Variants in SLC44A5 observed in about 807,000 individuals in gnomAD.
SLC44A5 encodes the protein solute carrier family 44 member 5.
A neutral mutation model predicts 101.8 loss-of-function variants in SLC44A5; 57 were observed. That is an observed-to-expected ratio of 0.56 (90% CI 0.45 to 0.70). The LOEUF (loss-of-function observed/expected upper bound fraction) is 0.70. Among genes scored for constraint, SLC44A5 ranks in the 30% least tolerant of loss-of-function variants. SLC44A5 has a pLI of 0.00. For missense variants in SLC44A5, 737 were observed against 853.1 expected (o/e 0.86, Z 1.70); for synonymous variants, 281 against 290.9 (o/e 0.97, Z 0.35).
the SLC44A5 span, among the ~76,000 whole-genome samples, chr1:75,688,702 C>A: frequency 6.6e-6 from 1 of 152,128 alleles, no homozygotes; most frequent in Non-Finnish European, 1.5e-5. Flanking sequence ...CATGCTCAGC[C>A]AGTGATCATC....
At chr1:75,701,891 T>G in the SLC44A5 span, among the ~76,000 whole-genome samples, 1 of 152,070 alleles carries the variant, frequency 6.6e-6, no homozygotes, top group Non-Finnish European at 1.5e-5. Flanking sequence ...AAATCATGAG[T>G]GAACTCCCAT....
At chr1:75,497,280 T>G (rs952134402) in intron 2 of SLC44A5, among the ~76,000 whole-genome samples, 1 of 152,198 alleles carries the variant, frequency 6.6e-6, no homozygotes, top group East Asian at 1.9e-4. Flanking sequence ...GCCGTGTGTG[T>G]GTGTGGGTGT....
At chr1:75,607,460 CTG>C (rs1327456237) in intron 1 of SLC44A5, among the ~76,000 whole-genome samples, 19 of 151,912 alleles carry the variant, frequency 1.3e-4, no homozygotes, top group African/African-American at 3.9e-4. Context: ...CAAATAAAGA[CTG>C]TATGTATTCA....
At chr1:75,231,448 A>G (rs1039569594) in intron 12 of SLC44A5, among the ~76,000 whole-genome samples, 1 of 152,076 alleles carries the variant, frequency 6.6e-6, no homozygotes, top group African/African-American at 2.4e-5. Flanking sequence ...CTTTCCTCCT[A>G]CTAGTGAATG....
At chr1:75,628,336 T>C in the SLC44A5 span, among the ~76,000 whole-genome samples, 1 of 152,156 alleles carries the variant, frequency 6.6e-6, no homozygotes, top group Non-Finnish European at 1.5e-5. Context: ...AAAATGAATG[T>C]TTCATTTCAT....
rs545261782 is a variant in SLC44A5, at chr1:75,551,431, A to G, written c.-69-9915T>C. Among the ~76,000 whole-genome samples, 68 of 152,178 alleles carry G rather than the reference A, an allele frequency of 4.5e-4. 1 individual carries two copies. In the South Asian group the frequency reaches 0.014, roughly 32 times the overall value. ...TCTTCTAATTTTATGCTTTCTTGGG[A>G]TCCTCCTATCCTTAATTTTATTTCC... On this transcript the variant is annotated intron_variant, in intron 1 of 23. Coordinates refer to ENST00000370859, the MANE Select transcript of SLC44A5 (RefSeq NM_001130058.2).
intron 2 of SLC44A5, among the ~76,000 whole-genome samples, chr1:75,537,031 A>ATATATATATATAT (rs1372222209): frequency 2.5e-4 from 4 of 15,758 alleles, no homozygotes; most frequent in South Asian, 6.1e-3. Flanking sequence ...AAAAAAAAAA[A>ATATATATATATAT]AAATATATAT....
the SLC44A5 span, among the ~76,000 whole-genome samples, chr1:75,688,931 C>T: frequency 6.6e-6 from 1 of 152,190 alleles, no homozygotes; most frequent in African/African-American, 2.4e-5. Flanking sequence ...CTGTAATTCC[C>T]TCACATCCTA....
chr1:75,293,107 T>C (rs1342563271), intron 5 of SLC44A5, among the ~76,000 whole-genome samples: 3 of 152,204 alleles, frequency 2.0e-5, no homozygotes, highest in African/African-American at 7.2e-5. Context: ...GAGAAATTAT[T>C]TGTAAAAGAA....
the SLC44A5 span, among the ~76,000 whole-genome samples, chr1:75,618,560 G>A: frequency 7.9e-5 from 12 of 152,180 alleles, no homozygotes; most frequent in African/African-American, 2.9e-4. Flanking sequence ...TACATTCTGA[G>A]AAATGTGTCT....
intron 2 of SLC44A5, among the ~76,000 whole-genome samples, chr1:75,529,353 G>A (rs1427679967): frequency 6.6e-6 from 1 of 152,046 alleles, no homozygotes; most frequent in Non-Finnish European, 1.5e-5. Context: ...TAACCATAAG[G>A]GCTTGTAGTG....
chr1:75,586,815 C>T (rs1423176821), intron 1 of SLC44A5, among the ~76,000 whole-genome samples: 1 of 152,102 alleles, frequency 6.6e-6, no homozygotes, highest in Non-Finnish European at 1.5e-5. Context: ...AAGGGCCTAG[C>T]ACGGTGCCTG....
chr1:75,642,077 G>A, the SLC44A5 span: 4 of 1,259,788 alleles, frequency 3.2e-6, no homozygotes, highest in African/African-American at 1.5e-5. Context: ...GAATCTGGGG[G>A]CTTCACTAAT....
At chr1:75,542,491 A>G (rs1357430015) in intron 1 of SLC44A5, among the ~76,000 whole-genome samples, 3 of 152,060 alleles carry the variant, frequency 2.0e-5, no homozygotes, top group East Asian at 3.8e-4. Context: ...GATTTTTTCT[A>G]TTATTAAAAA....
At chr1:75,429,815 C>T (rs1664510544) in intron 2 of SLC44A5, among the ~76,000 whole-genome samples, 1 of 152,176 alleles carries the variant, frequency 6.6e-6, no homozygotes, top group African/African-American at 2.4e-5. Flanking sequence ...CCATGCTATT[C>T]ATGAGGGAGC....
chr1:75,205,956 A>G (rs1223696418), intron 23 of SLC44A5: 2 of 152,200 alleles, frequency 1.3e-5, no homozygotes, highest in African/African-American at 2.4e-5. Context: ...TTCGACTTCA[A>G]TATAAACATG....
At chr1:75,698,402 T>A in the SLC44A5 span, among the ~76,000 whole-genome samples, 8 of 152,124 alleles carry the variant, frequency 5.3e-5, no homozygotes, top group Non-Finnish European at 1.0e-4. Flanking sequence ...GACTGACACC[T>A]CACACGGCCA....
At chr1:75,604,332 G>A (rs139092951) in intron 1 of SLC44A5, among the ~76,000 whole-genome samples, 259 of 152,214 alleles carry the variant, frequency 1.7e-3, no homozygotes, top group African/African-American at 5.9e-3. Flanking sequence ...TAGGAATGCA[G>A]CTTTATTTCT....
the SLC44A5 span, among the ~76,000 whole-genome samples, chr1:75,659,129 TAA>T: frequency 6.6e-6 from 1 of 151,560 alleles, no homozygotes; most frequent in African/African-American, 2.4e-5. Context: ...AGAACAGTAA[TAA>T]AGAGTTTCCC....
Sources: allele counts gnomAD v4.1 joint callset (sites outside exome capture counted in the v4.1 genomes callset), GRCh38; gene constraint gnomAD v4.1.1; transcripts MANE v1.5; gene names NCBI Gene and HGNC (gene_info 2026-07-23, HGNC 2026-07-21).